The following RASSF3 variants were observed in gnomAD, a reference collection of about 807,000 sequenced individuals.
The protein encoded by RASSF3 is ras association domain-containing protein 3.
Under a neutral mutation model 19.9 loss-of-function variants are expected in RASSF3, and 19 were observed. The ratio of observed to expected loss-of-function variants is 0.96; its 90% CI spans 0.67 to 1.40. The LOEUF (loss-of-function observed/expected upper bound fraction) is 1.40. Among genes scored for constraint, RASSF3 ranks in the 40% most tolerant of loss-of-function variants. RASSF3 has a pLI of 0.00. For synonymous variants in RASSF3, 110 were observed against 104.2 expected, an observed-to-expected ratio of 1.06 and a Z score of -0.34; for missense variants, 306 against 289.8, an observed-to-expected ratio of 1.06 and a Z score of -0.41.
At chr12:64,632,419 T>C (rs990933919) in intron 1 of RASSF3, among the ~76,000 whole-genome samples, 6 of 151,778 alleles carry the variant, frequency 4.0e-5, no homozygotes, top group Non-Finnish European at 5.9e-5. Context: ...GACAGCAGAG[T>C]TTAGAGGGCA....
intron 1 of RASSF3, among the ~76,000 whole-genome samples, chr12:64,637,094 T>G (rs1209343655): frequency 1.3e-5 from 2 of 152,034 alleles, no homozygotes; most frequent in African/African-American, 4.8e-5. Flanking sequence ...TGTAAATGAG[T>G]ATAAAGCAAT....
intron 1 of RASSF3, among the ~76,000 whole-genome samples, chr12:64,682,876 CCT>C (rs1873190698): frequency 6.6e-6 from 1 of 152,164 alleles, no homozygotes; most frequent in African/African-American, 2.4e-5. Flanking sequence ...AACTGTTCTT[CCT>C]CTCTTTGTGT....
chr12:64,578,902 T>G (rs767311975), intron 2 of RASSF3, among the ~76,000 whole-genome samples: 3 of 152,162 alleles, frequency 2.0e-5, no homozygotes, highest in Admixed American at 1.3e-4. Context: ...CCCAGCACTT[T>G]AGGAAGCCGA....
chr12:64,523,262 C>T lies in RASSF3; in HGVS notation c.169+15933C>T, dbSNP rs150695384. ...CTCTATGAAAAATACAAAAAATAGCCGGGCATGGTGTTGGGCACCTGTAAT... is the reference window on the plus strand; with the variant it reads ...CTCTATGAAAAATACAAAAAATAGCTGGGCATGGTGTTGGGCACCTGTAAT... On this transcript the variant is annotated intron_variant, in intron 1 of 5. Transcript: ENST00000637125. Among the ~76,000 whole-genome samples the T allele has an allele frequency of 8.2e-3, 1,244 of 152,012 alleles. 6 individuals carry two copies. The highest frequency in any genetic ancestry group is 0.013 in the Non-Finnish European group (882 of 67,958).
intron 4 of RASSF3, among the ~76,000 whole-genome samples, chr12:64,692,408 G>A (rs562081621): frequency 6.6e-6 from 1 of 152,242 alleles, no homozygotes; most frequent in South Asian, 2.1e-4. Context: ...CTGTTAAGTG[G>A]GACTAAACAC....
chr12:64,531,332 C>A (rs532651474), upstream of RASSF3, among the ~76,000 whole-genome samples: 21 of 152,154 alleles, frequency 1.4e-4, no homozygotes, highest in Non-Finnish European at 2.8e-4. Context: ...ACTGAAGTAC[C>A]TTTTTACCTT....
chr12:64,599,417 A>C (rs1238215139), intron 2 of RASSF3, among the ~76,000 whole-genome samples: 2 of 152,250 alleles, frequency 1.3e-5, no homozygotes, highest in Non-Finnish European at 2.9e-5. Flanking sequence ...GTCCCAGACA[A>C]TTGAATAAAA....
intron 1 of RASSF3, among the ~76,000 whole-genome samples, chr12:64,535,134 A>C (rs1419707021): frequency 1.3e-5 from 2 of 152,090 alleles, no homozygotes; most frequent in Non-Finnish European, 2.9e-5. Flanking sequence ...AATAGATGGC[A>C]GTCCAAAGTT....
intron 2 of RASSF3, among the ~76,000 whole-genome samples, chr12:64,574,888 T>A (rs1371097230): frequency 1.3e-5 from 2 of 152,198 alleles, no homozygotes; most frequent in East Asian, 3.9e-4. Context: ...ACTGGCTTTG[T>A]GGTTCTTTTG....
chr12:64,525,383 T>C (rs1868562920), intron 1 of RASSF3, among the ~76,000 whole-genome samples: 1 of 152,236 alleles, frequency 6.6e-6, no homozygotes, highest in Non-Finnish European at 1.5e-5. Context: ...GTTTCAAGAT[T>C]GTGGGTCTGA....
intron 1 of RASSF3, chr12:64,654,798 G>C (rs1009452745): frequency 3.9e-5 from 6 of 152,086 alleles, no homozygotes; most frequent in Non-Finnish European, 7.3e-5. Flanking sequence ...CTGGGAGGCG[G>C]AAGTTGCAGT....
At chr12:64,563,050 G>A (rs1158153727) in intron 2 of RASSF3, among the ~76,000 whole-genome samples, 5 of 152,124 alleles carry the variant, frequency 3.3e-5, no homozygotes, top group Admixed American at 3.3e-4. Flanking sequence ...GCATGTCAAA[G>A]CCACCATCAT....
intron 1 of RASSF3, among the ~76,000 whole-genome samples, chr12:64,508,818 G>A (rs1359235611): frequency 1.3e-5 from 2 of 152,048 alleles, no homozygotes; most frequent in African/African-American, 2.4e-5. Context: ...CCCAGGAGGT[G>A]GAGGTTGCGG....
intron 2 of RASSF3, among the ~76,000 whole-genome samples, chr12:64,589,746 T>A (rs113376606): frequency 1.3e-5 from 2 of 152,172 alleles, no homozygotes; most frequent in African/African-American, 4.8e-5. Context: ...CTCATGCCTG[T>A]AATCCTAGCA....
chr12:64,626,823 C>T (rs1001985225), intron 1 of RASSF3, among the ~76,000 whole-genome samples: 1 of 152,178 alleles, frequency 6.6e-6, no homozygotes, highest in Non-Finnish European at 1.5e-5. Context: ...CCTTGGCCTC[C>T]CAAAGTGTTA....
intron 2 of RASSF3, among the ~76,000 whole-genome samples, chr12:64,547,817 T>C (rs370793229): frequency 6.6e-6 from 1 of 152,180 alleles, no homozygotes; most frequent in Non-Finnish European, 1.5e-5. Flanking sequence ...GCATATATTT[T>C]TGTGATTATA....
At position 64,672,726 on chromosome 12, in the gene RASSF3, A is replaced by G. The variant is rs964046182; in HGVS notation, c.112-12061A>G. 4.6e-5 allele frequency among the ~76,000 whole-genome samples: 7 copies of G among 152,088 alleles called. No homozygotes were observed. In the East Asian group the frequency reaches 9.6e-4, roughly 21 times the overall value. On this transcript the variant is annotated intron_variant, in intron 1 of 4. Coordinates refer to ENST00000542104, the MANE Select transcript of RASSF3 (RefSeq NM_178169.4). The stretch of plus-strand genomic sequence containing the variant: ...TGGGGAGGCTCTTGCTGTGTTGCCC[A>G]AGCTGATCCTGAACTCCTGGGCTCA...
chr12:64,545,253 T>C (rs141045238), downstream of RASSF3, among the ~76,000 whole-genome samples: 158 of 152,308 alleles, frequency 1.0e-3, no homozygotes, highest in African/African-American at 3.7e-3. Flanking sequence ...GGAGAATGAA[T>C]ATATGCTTGT....
chr12:64,683,448 T>C (rs545172701), intron 1 of RASSF3, among the ~76,000 whole-genome samples: 2 of 152,332 alleles, frequency 1.3e-5, no homozygotes, highest in African/African-American at 4.8e-5. Flanking sequence ...ATTTAACCGA[T>C]ATTTCTCCCT....
Sources: allele counts gnomAD v4.1 joint callset (sites outside exome capture counted in the v4.1 genomes callset), GRCh38; gene constraint gnomAD v4.1.1; transcripts MANE v1.5; gene names NCBI Gene and HGNC (gene_info 2026-07-23, HGNC 2026-07-21).